SGIP1: variants seen among roughly 807,000 people sequenced by gnomAD.
SGIP1 encodes the protein SH3GL interacting endocytic adaptor 1, also known as SH3-containing GRB2-like protein 3-interacting protein 1.
Under a neutral mutation model 107.5 loss-of-function variants are expected in SGIP1, and 38 were observed. The ratio of observed to expected loss-of-function variants is 0.35; its 90% CI spans 0.27 to 0.46. SGIP1 has a LOEUF of 0.46. SGIP1 is among the 20% of genes least tolerant of loss of function. The probability of loss-of-function intolerance (pLI) is 1.00; values close to 1 mark genes in which losing one functional copy is unlikely to be tolerated. For missense variants in SGIP1, 929 were observed against 1,019.5 expected, an observed-to-expected ratio of 0.91 and a Z score of 1.21; for synonymous variants, 365 against 366.1, an observed-to-expected ratio of 1.00 and a Z score of 0.03.
chr1:66,563,997 A>G (rs1004982670), intron 1 of SGIP1, among the ~76,000 whole-genome samples: 1 of 152,038 alleles, frequency 6.6e-6, no homozygotes, highest in Non-Finnish European at 1.5e-5. Flanking sequence ...ACTGTAAGCA[A>G]TCATATAGTT....
chr1:66,659,170 C>T (rs777539235), intron 7 of SGIP1, among the ~76,000 whole-genome samples: 2 of 152,110 alleles, frequency 1.3e-5, no homozygotes, highest in Non-Finnish European at 2.9e-5. Context: ...ATTCACTTCA[C>T]TATTTTTGGA....
intron 1 of SGIP1, among the ~76,000 whole-genome samples, chr1:66,574,697 T>C (rs1159852): frequency 0.17 from 26,276 of 152,142 alleles, 2,692 homozygotes; most frequent in East Asian, 0.45. Flanking sequence ...CATTCACTGG[T>C]TCCCCCTTTC....
In SGIP1 at chr1:66,636,925, G is replaced by A. The variant is rs114344207; in HGVS notation, c.171+910G>A. Among the ~76,000 whole-genome samples the A allele has an allele frequency of 9.3e-3, 1,421 of 152,096 alleles. 9 individuals are homozygous for A. Among genetic ancestry groups the A allele is most frequent in the Middle Eastern group, 0.027 (8 of 294 alleles). On this transcript the variant is annotated intron_variant, in intron 4 of 24. Coordinates refer to ENST00000371037, the MANE Select transcript of SGIP1 (RefSeq NM_032291.4). Reference sequence around the variant, plus strand: ...AACAGATAATGTATGCCTAACCAAAGTAAAATACCTATGAAGACATGATTA... The same window carrying A: ...AACAGATAATGTATGCCTAACCAAAATAAAATACCTATGAAGACATGATTA...
At chr1:66,716,355 A>G (rs1317631803) in intron 18 of SGIP1, among the ~76,000 whole-genome samples, 1 of 152,200 alleles carries the variant, frequency 6.6e-6, no homozygotes, top group African/African-American at 2.4e-5. Flanking sequence ...TCACAAGACT[A>G]TCATAGAAGA....
chr1:66,724,296 T>C (rs1032236759), intron 19 of SGIP1, among the ~76,000 whole-genome samples: 9 of 152,234 alleles, frequency 5.9e-5, no homozygotes, highest in Non-Finnish European at 1.0e-4. Context: ...TTTCTTATTT[T>C]ATTCATGAAG....
intron 1 of SGIP1, among the ~76,000 whole-genome samples, chr1:66,545,795 G>A (rs1044256045): frequency 4.6e-5 from 7 of 152,108 alleles, no homozygotes; most frequent in South Asian, 2.1e-4. Context: ...TCAGGCAGGC[G>A]TTGATGGTGA....
intron 1 of SGIP1, among the ~76,000 whole-genome samples, chr1:66,554,138 G>T (rs969953285): frequency 2.0e-5 from 3 of 152,070 alleles, no homozygotes; most frequent in Non-Finnish European, 4.4e-5. Context: ...ACAGCTCCAA[G>T]AATTTTCTTC....
chr1:66,709,616 T>C (rs2092773590), intron 18 of SGIP1, among the ~76,000 whole-genome samples: 1 of 152,168 alleles, frequency 6.6e-6, no homozygotes. Flanking sequence ...CCTCCCCTTT[T>C]GAGGTTTGCC....
intron 1 of SGIP1, among the ~76,000 whole-genome samples, chr1:66,560,955 G>A (rs2058847218): frequency 6.6e-6 from 1 of 152,022 alleles, no homozygotes; most frequent in African/African-American, 2.4e-5. Context: ...CGTTGTAAGT[G>A]TTAACACATT....
intron 18 of SGIP1, among the ~76,000 whole-genome samples, chr1:66,701,907 C>T (rs1450690733): frequency 6.6e-6 from 1 of 152,220 alleles, no homozygotes; most frequent in Admixed American, 6.5e-5. Flanking sequence ...TGTTAGAATT[C>T]TACTGATGGG....
At chr1:66,599,578 A>G (rs1012621516) in intron 1 of SGIP1, among the ~76,000 whole-genome samples, 1 of 152,168 alleles carries the variant, frequency 6.6e-6, no homozygotes, top group Non-Finnish European at 1.5e-5. Context: ...TCTGAGTCTG[A>G]ATGTACAGTA....
chr1:66,643,793 T>C (rs1156624837), intron 7 of SGIP1, 74 bp downstream of exon 7: 2 of 1,365,534 alleles, frequency 1.5e-6, no homozygotes, highest in African/African-American at 3.0e-5. Context: ...ATGCATTAAG[T>C]CAATCAGAAA....
At chr1:66,568,209 A>C (rs1211543215) in intron 1 of SGIP1, among the ~76,000 whole-genome samples, 1 of 151,994 alleles carries the variant, frequency 6.6e-6, no homozygotes, top group Non-Finnish European at 1.5e-5. Flanking sequence ...CTCCCTGAAG[A>C]GGTCCTTCAT....
At chr1:66,569,293 C>T (rs1288435591) in intron 1 of SGIP1, among the ~76,000 whole-genome samples, 1 of 151,898 alleles carries the variant, frequency 6.6e-6, no homozygotes, top group Non-Finnish European at 1.5e-5. Flanking sequence ...AACATCCTTG[C>T]TTTCTTTCTG....
At chr1:66,621,563 C>A (rs1269679259) in intron 1 of SGIP1, among the ~76,000 whole-genome samples, 1 of 152,136 alleles carries the variant, frequency 6.6e-6, no homozygotes, top group Non-Finnish European at 1.5e-5. Context: ...TTTATATCAC[C>A]CCAAAAGGAA....
In SGIP1 at chr1:66,735,752, G is replaced by A. The variant is rs1440980714; in HGVS notation, c.2031+1872G>A. 2.1e-4 allele frequency among the ~76,000 whole-genome samples: 14 copies of A among 67,132 alleles called. 4 individuals carry two copies. The highest frequency in any genetic ancestry group is 9.8e-5 in the Non-Finnish European group (3 of 30,620). The allele number at this position is 67,132 out of a possible 152,430, so 44.0% of individuals were successfully genotyped here. A position where few individuals can be genotyped will look rare whatever the true frequency, so the allele number is the denominator to read the frequency against. ...GGAGAATGGCGTGAACCCGGGAGGC[G>A]GAGCTTGCAGTGAGCTGAGATTGCG... On this transcript the variant is annotated intron_variant, in intron 21 of 24. Coordinates refer to ENST00000371037, the MANE Select transcript of SGIP1 (RefSeq NM_032291.4).
chr1:66,549,022 C>A (rs1393855909), intron 1 of SGIP1, among the ~76,000 whole-genome samples: 3 of 152,148 alleles, frequency 2.0e-5, no homozygotes, highest in Non-Finnish European at 4.4e-5. Context: ...TGTAATATAG[C>A]AGCTAAATGC....
chr1:66,614,006 G>A (rs1392871353), intron 1 of SGIP1, among the ~76,000 whole-genome samples: 1 of 152,178 alleles, frequency 6.6e-6, no homozygotes, highest in Non-Finnish European at 1.5e-5. Flanking sequence ...AGAAATGCTA[G>A]AGTCATATCC....
chr1:66,700,434 C>T (rs1018543024), intron 18 of SGIP1, among the ~76,000 whole-genome samples: 1 of 151,262 alleles, frequency 6.6e-6, no homozygotes, highest in African/African-American at 2.4e-5. Context: ...GAGGTCACTA[C>T]CTCACCCTAC....
Sources: gnomAD v4.1 joint callset for allele counts (sites outside exome capture counted in the v4.1 genomes callset) on GRCh38, gnomAD v4.1.1 for gene constraint, MANE v1.5 for transcripts, NCBI Gene and HGNC (gene_info 2026-07-23, HGNC 2026-07-21) for gene names.